Variants in DIS3L2 observed in about 807,000 individuals in gnomAD.
DIS3L2 encodes DIS3-like exonuclease 2.
In DIS3L2, 34 loss-of-function variants were observed where a neutral mutation model predicts 97.5. The ratio of observed to expected loss-of-function variants is 0.35; its 90% confidence interval spans 0.27 to 0.46. DIS3L2 has a LOEUF of 0.46. DIS3L2 is among the 20% of genes least tolerant of loss of function. The pLI is 1.00. For missense variants in DIS3L2, 1,038 were observed against 1,146.0 expected, an observed-to-expected ratio of 0.91 and a Z score of 1.36; for synonymous variants, 435 against 445.2, an observed-to-expected ratio of 0.98 and a Z score of 0.29.
chr2:232,213,161 C>T (rs1574949370), intron 10 of DIS3L2, among the ~76,000 whole-genome samples: 1 of 152,114 alleles, frequency 6.6e-6, no homozygotes, highest in South Asian at 2.1e-4. Context: ...ATGATGGGAT[C>T]ATAAGTGATT....
At chr2:232,087,449 C>CTTT in intron 5 of DIS3L2, 38 bp from the exon 6 acceptor site, 1 of 1,452,390 alleles carries the variant, frequency 6.9e-7, no homozygotes, top group Non-Finnish European at 9.3e-7. Context: ...TTTTTTTCCT[C>CTTT]TCTCAGTGAT....
chr2:232,343,765 C>T, exon 14 of DIS3L2: 1 of 615,720 alleles, frequency 1.6e-6, no homozygotes, highest in Non-Finnish European at 2.8e-6. Context: ...CCCTCTTCAG[C>T]CTTGCAGAGG....
chr2:232,031,047 G>T (rs1694791739), intron 5 of DIS3L2, among the ~76,000 whole-genome samples: 1 of 152,084 alleles, frequency 6.6e-6, no homozygotes, highest in Non-Finnish European at 1.5e-5. Context: ...ATAACTTTGA[G>T]TGAATTGTAC....
chr2:232,276,598 G>T lies in DIS3L2; in HGVS notation c.1659+13158G>T, dbSNP rs1694147219. Among the ~76,000 whole-genome samples the T allele has an allele frequency of 6.6e-6, 1 of 152,186 alleles. No homozygotes were observed. Among genetic ancestry groups the T allele is most frequent in the Non-Finnish European group, 1.5e-5 (1 of 68,038 alleles). On this transcript the variant is annotated intron_variant, in intron 13 of 20. Coordinates refer to ENST00000325385, the MANE Select transcript of DIS3L2 (RefSeq NM_152383.5). This position sits in a 1 kb window ranked among gnomAD's most constrained non-coding sequence, Gnocchi z 4.4. ...CATGTTTCCACTCCAGACTGCCCCA[G>T]GCCCCAACTCTCAGCTCTCCTGTTG...
At chr2:232,193,771 T>C (rs544670641) in intron 9 of DIS3L2, among the ~76,000 whole-genome samples, 1 of 152,194 alleles carries the variant, frequency 6.6e-6, no homozygotes, top group Non-Finnish European at 1.5e-5. Context: ...GACTATTAGG[T>C]GAAAAACATT....
chr2:232,145,378 A>G (rs1332291005), intron 8 of DIS3L2, among the ~76,000 whole-genome samples: 2 of 152,196 alleles, frequency 1.3e-5, no homozygotes. Flanking sequence ...CCATCTTGCC[A>G]TATCCCCTTA....
intron 5 of DIS3L2, among the ~76,000 whole-genome samples, chr2:232,072,963 T>C: frequency 6.6e-6 from 1 of 152,098 alleles, no homozygotes; most frequent in East Asian, 1.9e-4. Context: ...GTTAACTAGA[T>C]AAAAGGTACG....
intron 13 of DIS3L2, among the ~76,000 whole-genome samples, chr2:232,280,586 C>A (rs1448764703): frequency 3.9e-5 from 6 of 152,142 alleles, no homozygotes; most frequent in Admixed American, 6.5e-5. Context: ...TTATGACTGC[C>A]ATTGGAATGG....
Position 232,219,517 on chromosome 2 carries a change from A to G in DIS3L2, c.1204+9112A>G, listed in dbSNP as rs74528891. ...AAGTCTCATCCACTTTCTCTCCTAAAATAAGTCTGTTTCTTTGGAATTGGG... is the reference window on the plus strand; with the variant it reads ...AAGTCTCATCCACTTTCTCTCCTAAGATAAGTCTGTTTCTTTGGAATTGGG... On this transcript the variant is annotated intron_variant, in intron 10 of 20. Transcript: ENST00000325385. Among the ~76,000 whole-genome samples the G allele has an allele frequency of 4.5e-3, 684 of 151,952 alleles. 9 individuals carry two copies. The highest frequency in any genetic ancestry group is 0.016 in the African/African-American group (656 of 41,424).
At chr2:232,097,533 C>G (rs1368615258) in intron 6 of DIS3L2, among the ~76,000 whole-genome samples, 1 of 152,172 alleles carries the variant, frequency 6.6e-6, no homozygotes, top group Non-Finnish European at 1.5e-5. Flanking sequence ...CACTACAGAC[C>G]CATGGGGAGT....
chr2:232,057,157 A>G (rs1041561007), intron 5 of DIS3L2, among the ~76,000 whole-genome samples: 2 of 152,172 alleles, frequency 1.3e-5, no homozygotes, highest in African/African-American at 4.8e-5. Flanking sequence ...TTATGGTTCT[A>G]CTTATAAGCA....
chr2:232,232,537 A>G (rs1002550708), intron 10 of DIS3L2, among the ~76,000 whole-genome samples: 17 of 152,316 alleles, frequency 1.1e-4, no homozygotes, highest in Non-Finnish European at 4.4e-5. Flanking sequence ...TGATCGACAC[A>G]GGCCTGAGAA....
rs1693901946 is a variant in DIS3L2, at chr2:232,268,356, TTAAA to T, written c.1659+4919_1659+4922del. Among the ~76,000 whole-genome samples the T allele has an allele frequency of 6.6e-6, 1 of 152,234 alleles. No homozygotes were observed. On this transcript the variant is annotated intron_variant, in intron 13 of 20. Transcript: ENST00000325385. This position sits in a 1 kb window ranked among gnomAD's most constrained non-coding sequence, Gnocchi z 4.1. ...ATAGCCTTGTTAATGGAAATTATTT[TTAAA>T]TACCCTGGGACCCAAGCTGCAGTGG...
chr2:232,038,734 G>C (rs375287643), intron 5 of DIS3L2, among the ~76,000 whole-genome samples: 4 of 152,112 alleles, frequency 2.6e-5, no homozygotes, highest in African/African-American at 7.2e-5. Flanking sequence ...CCAAAGCTTG[G>C]GGGTAGGTTG....
intron 13 of DIS3L2, among the ~76,000 whole-genome samples, chr2:232,265,384 CA>C (rs1461365287): frequency 2.0e-5 from 3 of 152,170 alleles, no homozygotes; most frequent in Non-Finnish European, 4.4e-5. Context: ...GCTAACGAGC[CA>C]AAATCTGTCT....
chr2:232,305,671 T>C (rs1694969634), intron 14 of DIS3L2, among the ~76,000 whole-genome samples: 1 of 152,104 alleles, frequency 6.6e-6, no homozygotes. Context: ...AAGATCATCT[T>C]AGGCTGTGCG....
intron 3 of DIS3L2, among the ~76,000 whole-genome samples, chr2:232,021,075 G>A (rs1312090571): frequency 6.6e-6 from 1 of 152,140 alleles, no homozygotes; most frequent in East Asian, 1.9e-4. Context: ...GTTTGTGATT[G>A]CCAGTTAGAC....
chr2:232,326,007 GC>G (rs1162488570), intron 14 of DIS3L2, among the ~76,000 whole-genome samples: 1 of 147,046 alleles, frequency 6.8e-6, no homozygotes, highest in Non-Finnish European at 1.5e-5. Flanking sequence ...ACCCAGGATA[GC>G]TTGGGGGCGT....
chr2:232,313,379 A>T (rs1172306224), intron 14 of DIS3L2, among the ~76,000 whole-genome samples: 3 of 152,254 alleles, frequency 2.0e-5, no homozygotes, highest in African/African-American at 4.8e-5. Flanking sequence ...ACTAATGTTT[A>T]TCACAAGACT....
Sources: allele counts gnomAD v4.1 joint callset (sites outside exome capture counted in the v4.1 genomes callset), GRCh38; gene constraint gnomAD v4.1.1; non-coding constraint Gnocchi (gnomAD v3.1); transcripts MANE v1.5; gene names NCBI Gene and HGNC (gene_info 2026-07-23, HGNC 2026-07-21).